Variants in NAV2 observed in about 807,000 individuals in gnomAD.
NAV2 encodes the protein helicase, APC down-regulated 1.
In NAV2, 54 loss-of-function variants were observed where a neutral mutation model predicts 223.2. The ratio of observed to expected loss-of-function variants is 0.24; its 90% CI spans 0.19 to 0.30. The LOEUF is 0.30. Among genes scored for constraint, NAV2 ranks in the 10% least tolerant of loss-of-function variants. The probability of loss-of-function intolerance (pLI) is 1.00; values close to 1 mark genes in which losing one functional copy is unlikely to be tolerated. For missense variants in NAV2, 2,806 were observed against 3,147.5 expected, an observed-to-expected ratio of 0.89 and a Z score of 2.60; for synonymous variants, 1,279 against 1,239.3, an observed-to-expected ratio of 1.03 and a Z score of -0.67.
chr11:19,910,659 G>C lies in NAV2; in HGVS notation c.931+18065G>C, dbSNP rs187167202. ...TGATTGCCTGAGCTCAGGAGTCCAAGACCAGCCTGGGCTACGTGGTGAAAC... is the reference window on the plus strand; with the variant it reads ...TGATTGCCTGAGCTCAGGAGTCCAACACCAGCCTGGGCTACGTGGTGAAAC... On this transcript the variant is annotated intron_variant, in intron 6 of 37. Coordinates refer to ENST00000349880, the MANE Select transcript of NAV2 (RefSeq NM_145117.5). Among the ~76,000 whole-genome samples the C allele has an allele frequency of 5.9e-5, 9 of 152,298 alleles. No individual in the cohort carries two copies. The East Asian group carries it at 1.7e-3, about 29-fold the overall frequency.
intron 10 of NAV2, among the ~76,000 whole-genome samples, chr11:19,980,317 A>G (rs1386726793): frequency 6.6e-6 from 1 of 152,216 alleles, no homozygotes; most frequent in Non-Finnish European, 1.5e-5. Context: ...GTAGCTTAGC[A>G]ACTGAGGCAA....
intron 10 of NAV2, among the ~76,000 whole-genome samples, chr11:19,951,137 C>T (rs1411955484): frequency 6.6e-6 from 1 of 152,148 alleles, no homozygotes; most frequent in African/African-American, 2.4e-5. Context: ...AAAAAGGGTT[C>T]TGATTTCTAT....
chr11:19,569,470 A>T (rs1440192765), intron 1 of NAV2, among the ~76,000 whole-genome samples: 2 of 152,212 alleles, frequency 1.3e-5, no homozygotes, highest in East Asian at 1.9e-4. Flanking sequence ...AACCCATAAA[A>T]TTTTTTTAGT....
chr11:19,660,883 G>T (rs571006248), intron 1 of NAV2, among the ~76,000 whole-genome samples: 1 of 152,264 alleles, frequency 6.6e-6, no homozygotes, highest in Admixed American at 6.5e-5. Context: ...TCTAAAAATT[G>T]AGGGAAAGTG....
chr11:20,108,142 C>T (rs1486141013), intron 36 of NAV2, among the ~76,000 whole-genome samples: 1 of 152,226 alleles, frequency 6.6e-6, no homozygotes, highest in Non-Finnish European at 1.5e-5. Flanking sequence ...AAATATTCTC[C>T]TATCTGCCTT....
At position 20,036,132 on chromosome 11, in the gene NAV2, A is replaced by ACC. The variant is rs2056343324; in HGVS notation, c.2907+35_2907+36insCC. ...ACAGGCCCTCCCAGGCTCCTCCAGC[A>ACC]GCCTCTGGCAGCAGGGAACCTTGGG... On this transcript the variant is annotated intron_variant, in intron 12 of 37. Coordinates refer to ENST00000349880, the MANE Select transcript of NAV2 (RefSeq NM_145117.5). The ACC allele has an allele frequency of 3.7e-6, 6 of 1,613,412 alleles. No individual in the cohort carries two copies. In the African/African-American group the frequency reaches 8.0e-5, roughly 22 times the overall value.
chr11:19,553,942 T>G (rs976559412), intron 1 of NAV2, among the ~76,000 whole-genome samples: 2 of 152,160 alleles, frequency 1.3e-5, no homozygotes, highest in Admixed American at 1.3e-4. Context: ...GCTGGCGAGT[T>G]TGGGTGGACT....
At chr11:19,642,413 A>T (rs925964967) in intron 1 of NAV2, among the ~76,000 whole-genome samples, 2 of 152,214 alleles carry the variant, frequency 1.3e-5, no homozygotes, top group African/African-American at 4.8e-5. Context: ...TTTTGAGCAA[A>T]CTTCCATCTG....
chr11:20,108,937 T>C (rs1006022017), intron 36 of NAV2, among the ~76,000 whole-genome samples: 1 of 152,192 alleles, frequency 6.6e-6, no homozygotes, highest in African/African-American at 2.4e-5. Flanking sequence ...AGAAACCAGT[T>C]TGGTAGCCAG....
At chr11:20,109,576 C>G (rs2062453076) in intron 36 of NAV2, among the ~76,000 whole-genome samples, 1 of 152,204 alleles carries the variant, frequency 6.6e-6, no homozygotes, top group Non-Finnish European at 1.5e-5. Context: ...TGCAGTCTGT[C>G]TCATTTCAGA....
In NAV2 at chr11:20,120,360, T is replaced by G. The variant is rs1002458774; in HGVS notation, c.*2102T>G. On this transcript the variant is annotated 3_prime_UTR_variant, in exon 38 of 38. Coordinates refer to ENST00000349880, the MANE Select transcript of NAV2 (RefSeq NM_145117.5). ...ATCTGGGTGTGAGTGTGTCTTGTTC[T>G]GTTTTTCTTTTTAATAAAACTTTTA... 15 of 152,672 alleles carry G rather than the reference T, an allele frequency of 9.8e-5. No individual in the cohort carries two copies. Among genetic ancestry groups the G allele is most frequent in the African/African-American group, 2.9e-4 (12 of 41,584 alleles). 9.5% of individuals were successfully genotyped at this position (152,672 alleles called of 1,614,324 possible). A position where few individuals can be genotyped will look rare whatever the true frequency, so the allele number is the denominator to read the frequency against.
chr11:19,927,688 T>TAAAAC (rs111622616), intron 6 of NAV2, among the ~76,000 whole-genome samples: 86,790 of 150,424 alleles, frequency 0.58, 25,410 homozygotes, highest in East Asian at 0.71. Flanking sequence ...CTACATCTTT[T>TAAAAC]AAAACAAAAC....
chr11:19,378,274 G>A (rs569338481), intron 1 of NAV2, among the ~76,000 whole-genome samples: 14 of 152,288 alleles, frequency 9.2e-5, no homozygotes, highest in Admixed American at 9.2e-4. Flanking sequence ...GTGAGCTTTT[G>A]GGGGTGCCCG....
intron 6 of NAV2, among the ~76,000 whole-genome samples, chr11:19,907,404 G>A (rs900963200): frequency 5.3e-5 from 8 of 152,148 alleles, no homozygotes; most frequent in Non-Finnish European, 1.2e-4. Context: ...TCACTGAAAG[G>A]ACGACTTTTA....
At chr11:19,563,708 C>T (rs1012400768) in intron 1 of NAV2, among the ~76,000 whole-genome samples, 4 of 152,230 alleles carry the variant, frequency 2.6e-5, no homozygotes, top group South Asian at 4.1e-4. Flanking sequence ...GTTGGAGAAC[C>T]GCCACTACAA....
intron 13 of NAV2, 44 bp downstream of exon 13, chr11:20,044,316 A>T: frequency 6.5e-7 from 1 of 1,541,560 alleles, no homozygotes; most frequent in South Asian, 1.2e-5. Flanking sequence ...GACATTTTGA[A>T]AACCAAAGCC....
At chr11:19,777,789 G>A (rs2056388620) in intron 1 of NAV2, 1 of 443,824 alleles carries the variant, frequency 2.3e-6, no homozygotes, top group Non-Finnish European at 4.6e-6. Flanking sequence ...TTCCACCTAC[G>A]AATTCCTGGA....
chr11:19,893,141 G>C (rs2153147314), intron 6 of NAV2, among the ~76,000 whole-genome samples: 1 of 30,936 alleles, frequency 3.2e-5, no homozygotes, highest in South Asian at 3.4e-3. Flanking sequence ...AAAGGATATG[G>C]ATTTTTTTTT....
intron 26 of NAV2, among the ~76,000 whole-genome samples, chr11:20,087,713 C>A (rs904496722): frequency 2.0e-5 from 3 of 152,120 alleles, no homozygotes; most frequent in African/African-American, 7.2e-5. Context: ...TATTGAGCGC[C>A]TAGTGGGTAT....
Sources: gnomAD v4.1 joint callset for allele counts (sites outside exome capture counted in the v4.1 genomes callset) on GRCh38, gnomAD v4.1.1 for gene constraint, MANE v1.5 for transcripts, NCBI Gene and HGNC (gene_info 2026-07-23, HGNC 2026-07-21) for gene names.